Variants in TMX3 observed in about 807,000 individuals in gnomAD.
TMX3 encodes protein disulfide-isomerase TMX3.
TMX3 carries 40 observed loss-of-function variants against 64.4 expected under a neutral mutation model. The ratio of observed to expected loss-of-function variants is 0.62; its 90% CI spans 0.48 to 0.81. The LOEUF (loss-of-function observed/expected upper bound fraction) is 0.81, where lower values mean the gene tolerates loss of function less well. TMX3 is among the 30% of genes least tolerant of loss of function. TMX3 has a pLI of 0.00. For synonymous variants in TMX3, 189 were observed against 175.7 expected (o/e 1.08, Z -0.60); for missense variants, 497 against 534.5 (o/e 0.93, Z 0.69).
intron 15 of TMX3, among the ~76,000 whole-genome samples, chr18:68,677,434 T>C (rs552145318): frequency 6.6e-6 from 1 of 152,268 alleles, no homozygotes; most frequent in African/African-American, 2.4e-5. Context: ...GAAAAAGGCA[T>C]CAAATATTCT....
chr18:68,693,688 T>C lies in TMX3; in HGVS notation c.571-2327A>G, dbSNP rs373764267. On this transcript the variant is annotated intron_variant, in intron 8 of 15. Coordinates refer to ENST00000299608, the MANE Select transcript of TMX3 (RefSeq NM_019022.5). ...CTCGGCATGAACAGCCTGGGTGCCA[T>C]AGACGGTATGATGATGACGGCGGGA... is the stretch of plus-strand genomic sequence containing the variant. 1.2e-4 allele frequency among the ~76,000 whole-genome samples: 19 copies of C among 152,122 alleles called. No homozygotes were observed. In the South Asian group the frequency reaches 2.1e-3, roughly 17 times the overall value.
intron 11 of TMX3, 64 bp from the exon 12 acceptor site, chr18:68,684,307 T>C (rs1913734825): frequency 8.7e-6 from 13 of 1,499,732 alleles, no homozygotes; most frequent in Non-Finnish European, 1.1e-5. Context: ...TTTTCAATGA[T>C]AGTATCTGCT....
At chr18:68,681,648 C>T (rs1281371035) in intron 13 of TMX3, 2 of 985,014 alleles carry the variant, frequency 2.0e-6, no homozygotes, top group Admixed American at 1.2e-4. Flanking sequence ...CACTCCCTTC[C>T]TCGCTCAGTG....
chr18:68,691,841 GGGA>G, intron 8 of TMX3, among the ~76,000 whole-genome samples: 1 of 152,156 alleles, frequency 6.6e-6, no homozygotes, highest in Admixed American at 6.5e-5. Flanking sequence ...GTAGTAATAA[GGGA>G]TCATTCAGAA....
chr18:68,687,755 A>G lies in TMX3; in HGVS notation c.648T>C (p.Asp216=). 6.2e-7 allele frequency: 1 copy of G among 1,609,288 alleles called. No individual in the cohort carries two copies. The highest frequency in any genetic ancestry group is 1.1e-5 in the South Asian group (1 of 90,202). ...ETYFVYDEYE[D]GDLSSWINRE... is the part of the protein sequence containing the mutation. The stretch of plus-strand genomic sequence containing the variant: ...TGTTGATCCATGATGACAGATCACC[A>G]TCTTCATACTCTTAAAACCAAGACA... Residue 216 remains aspartate (D), a synonymous_variant, in exon 10 of 16, where the codon GAT becomes GAC. Coordinates refer to ENST00000299608, the MANE Select transcript of TMX3 (RefSeq NM_019022.5).
At chr18:68,692,313 A>G (rs1914602991) in intron 8 of TMX3, among the ~76,000 whole-genome samples, 1 of 152,176 alleles carries the variant, frequency 6.6e-6, no homozygotes, top group African/African-American at 2.4e-5. Flanking sequence ...TCTTACTAGA[A>G]CACAAATGAT....
intron 2 of TMX3, 45 bp from the exon 3 acceptor site, chr18:68,711,448 C>T (rs765965272): frequency 7.1e-7 from 1 of 1,410,150 alleles, no homozygotes; most frequent in Non-Finnish European, 9.9e-7. Context: ...TTTGTGTCCA[C>T]TTTACAACTG....
At chr18:68,690,597 T>C (rs1018169348) in intron 9 of TMX3, among the ~76,000 whole-genome samples, 3 of 152,180 alleles carry the variant, frequency 2.0e-5, no homozygotes, top group Non-Finnish European at 1.5e-5. Context: ...TATCTAAAAA[T>C]AAAAAGTCTA....
At chr18:68,705,336 A>G (rs2030558350) in intron 4 of TMX3, among the ~76,000 whole-genome samples, 2 of 152,228 alleles carry the variant, frequency 1.3e-5, no homozygotes, top group African/African-American at 2.4e-5. Context: ...AACAAACAAA[A>G]AAACCCACAG....
chr18:68,694,004 C>T (rs1914803187), intron 8 of TMX3, among the ~76,000 whole-genome samples: 1 of 152,154 alleles, frequency 6.6e-6, no homozygotes, highest in African/African-American at 2.4e-5. Context: ...AAAGGAGCTA[C>T]CTACTCGGGT....
chr18:68,697,727 C>G lies in TMX3; in HGVS notation c.492+205G>C, dbSNP rs1423299236. ...AATGCTAAGGCAGGCAACATTTACT[C>G]ACTTTTTACACACTTCTGTTTCATA... On this transcript the variant is annotated intron_variant, in intron 7 of 15. Transcript: ENST00000299608. 1.1e-5 allele frequency: 5 copies of G among 471,228 alleles called. No individual in the cohort carries two copies. In the East Asian group the frequency reaches 1.6e-4, roughly 15 times the overall value. The allele number at this position is 471,228 out of a possible 1,614,324, so 29.2% of individuals were successfully genotyped here.
intron 5 of TMX3, chr18:68,701,028 A>G (rs1237832828): frequency 2.0e-6 from 2 of 984,714 alleles, no homozygotes; most frequent in East Asian, 1.1e-4. Flanking sequence ...AAATTTTAAA[A>G]AGGAAAAATT....
At position 68,700,473 on chromosome 18, in the gene TMX3, G is replaced by A; in HGVS notation, c.324C>T (p.Asp108=). ...GYPTIKLLKG[D]LAYNYRGPRT... The stretch of plus-strand genomic sequence containing the variant: ...GTGGTCCTCTATAATTATATGCCAA[G>A]TCCCCTTTTAATCTTTAAAAAAAAA... The change falls in exon 6 of 16, where the codon GAC becomes GAT. Residue 108 remains aspartate (D), a synonymous_variant. Coordinates refer to ENST00000299608, the MANE Select transcript of TMX3 (RefSeq NM_019022.5). 6.5e-7 allele frequency: 1 copy of A among 1,544,364 alleles called. No homozygotes were observed. Among genetic ancestry groups the A allele is most frequent in the Non-Finnish European group, 8.7e-7 (1 of 1,147,354 alleles).
chr18:68,680,650 T>C (rs1173086828), intron 14 of TMX3, among the ~76,000 whole-genome samples: 1 of 152,092 alleles, frequency 6.6e-6, no homozygotes, highest in African/African-American at 2.4e-5. Flanking sequence ...CTATTAAGAT[T>C]ACCCCACACA....
At chr18:68,681,436 C>T in intron 13 of TMX3, 1 of 979,738 alleles carries the variant, frequency 1.0e-6, no homozygotes, top group Non-Finnish European at 1.2e-6. Flanking sequence ...TTATGTTGTT[C>T]AACGGTCAAC....
intron 7 of TMX3, 77 bp from the exon 8 acceptor site, chr18:68,697,380 G>A (rs1915200145): frequency 1.4e-6 from 1 of 719,064 alleles, no homozygotes; most frequent in Non-Finnish European, 2.3e-6. Context: ...AACAATGAGA[G>A]TTACCTTATG....
intron 8 of TMX3, among the ~76,000 whole-genome samples, chr18:68,694,203 A>G (rs969162609): frequency 6.6e-6 from 1 of 152,110 alleles, no homozygotes; most frequent in Non-Finnish European, 1.5e-5. Context: ...AGGTGACAAG[A>G]AGGAGAGAAG....
rs911802119 is a variant in TMX3, at chr18:68,684,270, T to C, written c.795-27A>G. On this transcript the variant is annotated intron_variant, in intron 11 of 15. Coordinates refer to ENST00000299608, the MANE Select transcript of TMX3 (RefSeq NM_019022.5). ...TGTAGAAGAACAAACATATGAATAG[T>C]TCATCTCTGCACTTGAAAAACATAA... 1.9e-6 allele frequency: 3 copies of C among 1,589,538 alleles called. No homozygotes were observed. The African/African-American group carries it at 4.0e-5, about 21-fold the overall frequency.
chr18:68,699,993 T>A (rs112534591), intron 6 of TMX3, among the ~76,000 whole-genome samples: 1 of 152,168 alleles, frequency 6.6e-6, no homozygotes, highest in African/African-American at 2.4e-5. Flanking sequence ...TCAAAGAGTA[T>A]GGATGAAAGC....
Sources: gnomAD v4.1 joint callset for allele counts (sites outside exome capture counted in the v4.1 genomes callset) on GRCh38, gnomAD v4.1.1 for gene constraint, MANE v1.5 for transcripts, NCBI Gene and HGNC (gene_info 2026-07-23, HGNC 2026-07-21) for gene names.